The following HERC1 variants were observed in gnomAD, a reference collection of about 807,000 sequenced individuals.
The protein encoded by HERC1 is probable E3 ubiquitin-protein ligase HERC1.
HERC1 carries 160 observed loss-of-function variants against 554.3 expected under a neutral mutation model. The observed-to-expected ratio is 0.29, with a 90% confidence interval of 0.25 to 0.33. The LOEUF (loss-of-function observed/expected upper bound fraction) is 0.33, where lower values mean the gene tolerates loss of function less well. HERC1 is among the 10% of genes least tolerant of loss of function. HERC1 has a pLI of 1.00. For synonymous variants in HERC1, 2,175 were observed against 2,131.7 expected, an observed-to-expected ratio of 1.02 and a Z score of -0.56; for missense variants, 4,919 against 5,918.5, an observed-to-expected ratio of 0.83 and a Z score of 5.54.
intron 8 of HERC1, among the ~76,000 whole-genome samples, chr15:63,750,304 A>G (rs2075191513): frequency 6.6e-6 from 1 of 152,212 alleles, no homozygotes; most frequent in Non-Finnish European, 1.5e-5. Context: ...TGAAGCAGTA[A>G]CAAGGTAGTT....
intron 33 of HERC1, 29 bp downstream of exon 33, chr15:63,689,560 A>C: frequency 7.9e-7 from 1 of 1,266,012 alleles, no homozygotes; most frequent in Non-Finnish European, 1.1e-6. Context: ...TATGCTGTTA[A>C]GAAATACCTT....
rs530467532 is a variant in HERC1, at chr15:63,629,597, A to G, written c.12967-782T>C. Among the ~76,000 whole-genome samples the G allele has an allele frequency of 9.2e-5, 14 of 152,356 alleles. No homozygotes were observed. The East Asian group carries it at 2.3e-3, about 25-fold the overall frequency. ...GCTAAGCAAATCAACATCATTAGGAAGGATCACGTCACGGCACTGCCAGGA... is the reference window on the plus strand; with the variant it reads ...GCTAAGCAAATCAACATCATTAGGAGGGATCACGTCACGGCACTGCCAGGA... On this transcript the variant is annotated intron_variant, in intron 69 of 77. Coordinates refer to ENST00000443617, the MANE Select transcript of HERC1 (RefSeq NM_003922.4).
rs956501516 is a variant in HERC1 at position 63,651,349 on chromosome 15, G to A, written c.10450C>T (p.Pro3484Ser). The part of the protein sequence containing the change: ...EGDAEESLGS[P>S]SDPSFSPVSW... ...ACTGGTGAGAAACTTGGATCACTGG[G>A]TGATCCCAGGCTTTCCTCAGCATCC... is the stretch of plus-strand genomic sequence containing the variant. The change falls in exon 53 of 78, where the codon CCC (proline) becomes TCC (serine). Residue 3484 changes from proline to serine, a missense_variant. This residue lies in a region of HERC1 where 1,963 missense variants were observed against 2,228.6 expected (regional missense o/e 0.88). Coordinates refer to ENST00000443617, the MANE Select transcript of HERC1 (RefSeq NM_003922.4). 1.2e-6 allele frequency: 2 copies of A among 1,613,592 alleles called. No homozygotes were observed. Among genetic ancestry groups the A allele is most frequent in the African/African-American group, 2.7e-5 (2 of 74,928 alleles).
chr15:63,651,215 T>A, intron 53 of HERC1, 38 bp downstream of exon 53: 1 of 1,599,476 alleles, frequency 6.3e-7, no homozygotes, highest in Non-Finnish European at 8.5e-7. Flanking sequence ...TTTAAAAAAC[T>A]ACTTTCAGCA....
chr15:63,608,932 T>C lies in HERC1; in HGVS notation c.*149A>G. The stretch of plus-strand genomic sequence containing the variant: ...AAATAAAAACATCTAATTTCTTTGT[T>C]ACATTTAGAGTAACTAAATGTGGCC... On this transcript the variant is annotated 3_prime_UTR_variant, in exon 78 of 78. Coordinates refer to ENST00000443617, the MANE Select transcript of HERC1 (RefSeq NM_003922.4). 1 of 574,692 alleles carries C rather than the reference T, an allele frequency of 1.7e-6. No individual in the cohort carries two copies. The allele number at this position is 574,692 out of a possible 1,614,324, so 35.6% of individuals were successfully genotyped here.
chr15:63,803,635 C>A (rs151322641), intron 1 of HERC1, among the ~76,000 whole-genome samples: 1 of 152,178 alleles, frequency 6.6e-6, no homozygotes, highest in South Asian at 2.1e-4. Context: ...TTTAATGAAC[C>A]AATTGCCAAT....
chr15:63,783,105 T>C (rs1278480726), intron 1 of HERC1, among the ~76,000 whole-genome samples: 1 of 152,234 alleles, frequency 6.6e-6, no homozygotes, highest in Non-Finnish European at 1.5e-5. Context: ...ATAAATTTAA[T>C]TGATAATGCA....
chr15:63,790,028 T>C (rs1427025923), intron 1 of HERC1, among the ~76,000 whole-genome samples: 5 of 152,102 alleles, frequency 3.3e-5, no homozygotes, highest in Non-Finnish European at 2.9e-5. Flanking sequence ...ATCTAGGCTA[T>C]ACCATTTACT....
intron 23 of HERC1, 135 bp from the exon 24 acceptor site, chr15:63,713,030 C>G (rs1177679278): frequency 4.6e-6 from 4 of 868,324 alleles, no homozygotes; most frequent in Non-Finnish European, 6.9e-6. Context: ...AATCCTGACT[C>G]TTGTCTGAGC....
At position 63,628,744 on chromosome 15, in the gene HERC1, C is replaced by A. The variant is rs2068417301; in HGVS notation, c.13038G>T (p.Arg4346=). 2.5e-6 allele frequency: 4 copies of A among 1,613,856 alleles called. No individual in the cohort carries two copies. The highest frequency in any genetic ancestry group is 3.4e-6 in the Non-Finnish European group (4 of 1,179,884). The change falls in exon 70 of 78, where the codon CGG becomes CGT. Residue 4346 remains arginine (R), a synonymous_variant. Coordinates refer to ENST00000443617, the MANE Select transcript of HERC1 (RefSeq NM_003922.4). ...LVTGLQGKNV[R]QISAGRCHSA... is the part of the protein sequence containing the mutation. ...TGTGGCAGCGGCCAGCCGAGATCTG[C>A]CGAACATTTTTCCCTTGCAGACCTG...
In HERC1 at chr15:63,668,876, C is replaced by A. The variant is rs539011250; in HGVS notation, c.8206+662G>T. On this transcript the variant is annotated intron_variant, in intron 40 of 77. Coordinates refer to ENST00000443617, the MANE Select transcript of HERC1 (RefSeq NM_003922.4). Reference sequence around the variant, plus strand: ...TAGACAGAACAAGTAGACAAAAAAACCAGAAAGGATAAAGAAGACTTGGAC... The same window carrying A: ...TAGACAGAACAAGTAGACAAAAAAAACAGAAAGGATAAAGAAGACTTGGAC... 7.2e-5 allele frequency among the ~76,000 whole-genome samples: 11 copies of A among 152,220 alleles called. No homozygotes were observed. The South Asian group carries it at 2.3e-3, about 32-fold the overall frequency.
intron 1 of HERC1, among the ~76,000 whole-genome samples, chr15:63,814,957 C>T (rs2077448582): frequency 6.6e-6 from 1 of 152,204 alleles, no homozygotes; most frequent in Non-Finnish European, 1.5e-5. Flanking sequence ...ACTGTATAAC[C>T]TCAGATCTCA....
At chr15:63,725,848 G>A (rs898350393) in intron 17 of HERC1, among the ~76,000 whole-genome samples, 20 of 152,160 alleles carry the variant, frequency 1.3e-4, no homozygotes, top group Non-Finnish European at 2.5e-4. Flanking sequence ...AGTATTCTGA[G>A]TTTATTCCTC....
At chr15:63,808,124 C>CAA (rs148179105) in intron 1 of HERC1, among the ~76,000 whole-genome samples, 38,255 of 144,596 alleles carry the variant, frequency 0.26, 5,321 homozygotes, top group Middle Eastern at 0.4. Context: ...TTCTAGTTGA[C>CAA]AAAAAAAAAA....
At chr15:63,657,247 T>A (rs546258314) in intron 48 of HERC1, among the ~76,000 whole-genome samples, 3 of 151,208 alleles carry the variant, frequency 2.0e-5, no homozygotes, top group Non-Finnish European at 2.9e-5. Context: ...CATTGGTGGG[T>A]TTTTTGTCTT....
Position 63,758,969 on chromosome 15 carries a change from T to A in HERC1, c.1027-600A>T, listed in dbSNP as rs2075519725. Among the ~76,000 whole-genome samples the A allele has an allele frequency of 6.6e-6, 1 of 152,010 alleles. No homozygotes were observed. Among genetic ancestry groups the A allele is most frequent in the African/African-American group, 2.4e-5 (1 of 41,378 alleles). On this transcript the variant is annotated intron_variant, in intron 3 of 77. Coordinates refer to ENST00000443617, the MANE Select transcript of HERC1 (RefSeq NM_003922.4). This position sits in a 1 kb window ranked among gnomAD's most constrained non-coding sequence, Gnocchi z 4.0. The stretch of plus-strand genomic sequence containing the variant: ...GACTCAAACTCCTGGGTTCAAGCAA[T>A]CCTCCCACCTCAGCCCCCCAAGTAG...
chr15:63,663,062 A>G lies in HERC1; in HGVS notation c.8823T>C (p.Ala2941=). The G allele has an allele frequency of 6.2e-7, 1 of 1,613,978 alleles. No individual in the cohort carries two copies. The highest frequency in any genetic ancestry group is 1.1e-5 in the South Asian group (1 of 91,082). ...EIDLDDEAME[A]MFGQDLTSDN... ...CACTGGTCAGGTCTTGTCCAAACAT[A>G]GCTTCCATCGCCTCATCATCAAGAT... Residue 2941 remains alanine, a synonymous_variant, in exon 44 of 78, where the codon GCT becomes GCC. Transcript: ENST00000443617.
intron 19 of HERC1, among the ~76,000 whole-genome samples, chr15:63,719,203 G>T (rs879039085): frequency 6.6e-6 from 1 of 152,234 alleles, no homozygotes; most frequent in Admixed American, 6.5e-5. Context: ...AGGGTAAGGA[G>T]AACAGGGAGT....
Position 63,680,203 on chromosome 15 carries a change from AT to A in HERC1, c.6466-44del, listed in dbSNP as rs764785888. On this transcript the variant is annotated intron_variant, in intron 35 of 77. Coordinates refer to ENST00000443617, the MANE Select transcript of HERC1 (RefSeq NM_003922.4). The surrounding 1 kb of genome is among the most constrained non-coding windows in gnomAD (Gnocchi z 5.8). ...TGAGGAAAAGAAAAAGGAAATAGAA[AT>A]TTTTTTAATTCACAATATCTAACCA... The A allele has an allele frequency of 4.1e-6, 6 of 1,466,774 alleles. No individual in the cohort carries two copies. The highest frequency in any genetic ancestry group is 2.3e-5 in the East Asian group (1 of 44,120). The allele number at this position is 1,466,774 out of a possible 1,614,324, so 90.9% of individuals were successfully genotyped here.
Sources: gnomAD v4.1 joint callset for allele counts (sites outside exome capture counted in the v4.1 genomes callset) on GRCh38, gnomAD v4.1.1 for gene constraint, gnomAD v4.1.1 regional missense constraint, Gnocchi (gnomAD v3.1) non-coding constraint, MANE v1.5 for transcripts, NCBI Gene and HGNC (gene_info 2026-07-23, HGNC 2026-07-21) for gene names.